The following EIF4E2 variants were observed in gnomAD, a reference collection of about 807,000 sequenced individuals.
The protein encoded by EIF4E2 is eukaryotic translation initiation factor 4E family member 2, also known as eukaryotic translation initiation factor 4E type 2.
A neutral mutation model predicts 34.2 loss-of-function variants in EIF4E2; 13 were observed. The observed-to-expected ratio is 0.38, with a 90% CI of 0.25 to 0.60. EIF4E2 has a LOEUF of 0.60. Ranked by LOEUF, EIF4E2 falls within the 20% of genes least tolerant of loss-of-function variation. The probability of loss-of-function intolerance (pLI) is 0.62; values close to 1 mark genes in which losing one functional copy is unlikely to be tolerated. For missense variants in EIF4E2, 222 were observed against 315.1 expected (o/e 0.70, Z 2.24); for synonymous variants, 100 against 106.6 (o/e 0.94, Z 0.38).
At chr2:232,569,809 T>C (rs1574673867), downstream of EIF4E2, 2 of 152,340 alleles carry the variant, frequency 1.3e-5, no homozygotes, top group East Asian at 3.9e-4. Context: ...CTTCCCTTTC[T>C]CCTGGGCCCG....
At chr2:232,569,284 G>A (rs1039010743), downstream of EIF4E2, 4 of 1,281,080 alleles carry the variant, frequency 3.1e-6, no homozygotes, top group Non-Finnish European at 4.0e-6. Flanking sequence ...CCATATTAAG[G>A]GATGGCACAG....
At chr2:232,554,955 G>A (rs1284823403) in intron 1 of EIF4E2, among the ~76,000 whole-genome samples, 1 of 152,166 alleles carries the variant, frequency 6.6e-6, no homozygotes, top group African/African-American at 2.4e-5. Flanking sequence ...TTGGTCAGGT[G>A]CACTTCCTAG....
At chr2:232,576,592 GTGTT>G (rs1693227832) in intron 6 of EIF4E2, among the ~76,000 whole-genome samples, 1 of 152,132 alleles carries the variant, frequency 6.6e-6, no homozygotes, top group Non-Finnish European at 1.5e-5. Flanking sequence ...TCCGTGAAGA[GTGTT>G]TGAATTTAAA....
In EIF4E2 at chr2:232,556,417, T is replaced by C. The variant is rs763258335; in HGVS notation, c.22T>C (p.Leu8=). The change falls in exon 2 of 7, where the codon TTG becomes CTG. Residue 8 remains leucine, a splice_region_variant and synonymous_variant. Transcript: ENST00000258416. The stretch of plus-strand genomic sequence containing the variant: ...GTATTGTGTTGCCTTTCCATTCAGT[T>C]TGAAAGATGATGACAGTGGGGACCA... MNNKFDA[L]KDDDSGDHDQ... 30 of 1,612,196 alleles carry C rather than the reference T, an allele frequency of 1.9e-5. No individual in the cohort carries two copies. Among genetic ancestry groups the C allele is most frequent in the Middle Eastern group, 1.6e-4 (1 of 6,076 alleles).
At chr2:232,560,839 C>T (rs1692698374) in intron 3 of EIF4E2, among the ~76,000 whole-genome samples, 2 of 152,176 alleles carry the variant, frequency 1.3e-5, no homozygotes, top group African/African-American at 4.8e-5. Flanking sequence ...TTTGCCAGTG[C>T]TATCTTAGAA....
chr2:232,559,421 T>A (rs1041045917), intron 3 of EIF4E2, among the ~76,000 whole-genome samples: 52 of 145,690 alleles, frequency 3.6e-4, no homozygotes, highest in African/African-American at 5.5e-4. Flanking sequence ...TACTTTTTTT[T>A]AAAGTGCTTT....
Position 232,551,051 on chromosome 2 carries a change from G to A in EIF4E2, c.20+307G>A, listed in dbSNP as rs1370845956. On this transcript the variant is annotated intron_variant, in intron 1 of 6. Transcript: ENST00000258416. ...CTGGTGGATGCGGATTGCCTGCGAC[G>A]TGGAGGGGTGGGGACCTCGGCGGTT... 4 of 619,496 alleles carry A rather than the reference G, an allele frequency of 6.5e-6. No individual in the cohort carries two copies. In the Admixed American group the frequency reaches 7.1e-5, roughly 11 times the overall value. The allele number at this position is 619,496 out of a possible 1,614,324, so 38.4% of individuals were successfully genotyped here. A position where few individuals can be genotyped will look rare whatever the true frequency, so the allele number is the denominator to read the frequency against.
chr2:232,570,183 C>A (rs1004012256), downstream of EIF4E2, among the ~76,000 whole-genome samples: 2 of 152,118 alleles, frequency 1.3e-5, no homozygotes, highest in African/African-American at 4.8e-5. Context: ...CCTGACTTAC[C>A]TCTGATCTCC....
At chr2:232,573,916 C>A (rs539259537), downstream of EIF4E2, 5 of 447,800 alleles carry the variant, frequency 1.1e-5, no homozygotes, top group Non-Finnish European at 2.2e-5. Context: ...CAGGGAGTGC[C>A]ACTGTAAATT....
chr2:232,571,326 C>G (rs1346106726), downstream of EIF4E2, among the ~76,000 whole-genome samples: 3 of 152,242 alleles, frequency 2.0e-5, no homozygotes, highest in Non-Finnish European at 4.4e-5. Flanking sequence ...AGTTCTTGCT[C>G]AGGTCATAGC....
downstream of EIF4E2, among the ~76,000 whole-genome samples, chr2:232,569,503 G>T (rs1246964353): frequency 1.3e-5 from 2 of 152,132 alleles, no homozygotes; most frequent in African/African-American, 2.4e-5. Flanking sequence ...TTCTGATATA[G>T]AATTCAGCTT....
chr2:232,575,845 GA>G (rs1429325974), intron 6 of EIF4E2, among the ~76,000 whole-genome samples: 1 of 152,064 alleles, frequency 6.6e-6, no homozygotes, highest in African/African-American at 2.4e-5. Context: ...TTATTTCTAA[GA>G]TTTTTTTGGC....
At chr2:232,554,332 AG>A (rs1347670256) in intron 1 of EIF4E2, among the ~76,000 whole-genome samples, 1 of 152,210 alleles carries the variant, frequency 6.6e-6, no homozygotes, top group Non-Finnish European at 1.5e-5. Flanking sequence ...CACCAAAATT[AG>A]GGTGATACAA....
rs1693032554 is a variant in EIF4E2, at chr2:232,569,170, A to G, written c.*153A>G. The G allele has an allele frequency of 3.4e-6, 5 of 1,455,778 alleles. No individual in the cohort carries two copies. Among genetic ancestry groups the G allele is most frequent in the East Asian group, 5.0e-5 (2 of 40,004 alleles). The allele number at this position is 1,455,778 out of a possible 1,614,324, so 90.2% of individuals were successfully genotyped here. A position where few individuals can be genotyped will look rare whatever the true frequency, so the allele number is the denominator to read the frequency against. ...AAGAACAGGCTGACACGCAGCAGCT[A>G]CAACAACAGCTGAGATCACTTAATA... On this transcript the variant is annotated 3_prime_UTR_variant, in exon 7 of 7. Transcript: ENST00000258416.
chr2:232,575,847 T>C (rs1443490846), intron 6 of EIF4E2, among the ~76,000 whole-genome samples: 1 of 152,118 alleles, frequency 6.6e-6, no homozygotes, highest in Non-Finnish European at 1.5e-5. Flanking sequence ...ATTTCTAAGA[T>C]TTTTTTGGCT....
chr2:232,552,721 G>A (rs927752878), intron 1 of EIF4E2, among the ~76,000 whole-genome samples: 1 of 151,960 alleles, frequency 6.6e-6, no homozygotes, highest in African/African-American at 2.4e-5. Flanking sequence ...TGAAGAACCT[G>A]GGTCATTTTA....
chr2:232,551,022 C>A (rs1390156727), intron 1 of EIF4E2: 13 of 611,574 alleles, frequency 2.1e-5, no homozygotes, highest in Admixed American at 1.3e-4. Context: ...TCGGACGCCC[C>A]GCCCTGGTGG....
downstream of EIF4E2, chr2:232,574,030 A>C (rs1156935527): frequency 1.4e-6 from 1 of 694,492 alleles, no homozygotes; most frequent in East Asian, 2.8e-5. Context: ...GAACAGGGGC[A>C]GACTTCTCAA....
intron 1 of EIF4E2, among the ~76,000 whole-genome samples, chr2:232,554,193 A>G (rs1209857619): frequency 6.6e-6 from 1 of 152,220 alleles, no homozygotes; most frequent in Non-Finnish European, 1.5e-5. Flanking sequence ...CTAGGTTGGA[A>G]GAGGTTAGGA....
Sources: allele counts gnomAD v4.1 joint callset (sites outside exome capture counted in the v4.1 genomes callset), GRCh38; gene constraint gnomAD v4.1.1; transcripts MANE v1.5; gene names NCBI Gene and HGNC (gene_info 2026-07-23, HGNC 2026-07-21).